SRGAP2: variants seen among roughly 807,000 people sequenced by gnomAD.
SRGAP2 encodes the protein SLIT-ROBO Rho GTPase-activating protein 2.
SRGAP2 carries 15 observed loss-of-function variants against 57.2 expected under a neutral mutation model. The observed-to-expected ratio is 0.26, with a 90% CI of 0.18 to 0.40. The LOEUF is 0.40. SRGAP2 is among the 10% of genes least tolerant of loss of function. The probability of loss-of-function intolerance (pLI) is 1.00; values close to 1 mark genes in which losing one functional copy is unlikely to be tolerated. For missense variants in SRGAP2, 520 were observed against 669.6 expected (o/e 0.78, Z 2.47); for synonymous variants, 249 against 248.0 (o/e 1.00, Z -0.04).
At chr1:206,346,405 A>G (rs1398162207) in intron 4 of SRGAP2, among the ~76,000 whole-genome samples, 2 of 152,218 alleles carry the variant, frequency 1.3e-5, no homozygotes, top group Non-Finnish European at 2.9e-5. Flanking sequence ...TACCTTTGTT[A>G]AATTGTGATA....
intron 2 of SRGAP2, among the ~76,000 whole-genome samples, chr1:206,251,624 C>G (rs1347136709): frequency 2.6e-5 from 4 of 151,242 alleles, no homozygotes; most frequent in African/African-American, 7.3e-5. Context: ...CTCATGGGAG[C>G]CCTTGATCTG....
chr1:206,206,215 C>T (rs1157525894), intron 2 of SRGAP2, 178 bp downstream of exon 2: 1 of 535,258 alleles, frequency 1.9e-6, no homozygotes, highest in Non-Finnish European at 3.4e-6. Flanking sequence ...GCCAGGGGGC[C>T]ATTGACACTG....
chr1:206,387,229 C>T (rs1553348903), intron 5 of SRGAP2, among the ~76,000 whole-genome samples: 1 of 150,470 alleles, frequency 6.6e-6, no homozygotes. Flanking sequence ...CATGGGATTA[C>T]GGTGACTAAC....
intron 2 of SRGAP2, among the ~76,000 whole-genome samples, chr1:206,296,451 A>ACAGGG (rs1318963171): frequency 6.6e-6 from 1 of 150,798 alleles, no homozygotes; most frequent in East Asian, 2.0e-4. Context: ...GTTTTTTGAG[A>ACAGGG]CAGGGTGTTG....
intron 4 of SRGAP2, among the ~76,000 whole-genome samples, chr1:206,347,907 T>C (rs1235038150): frequency 6.6e-6 from 1 of 151,792 alleles, no homozygotes; most frequent in Non-Finnish European, 1.5e-5. Context: ...ATGTTTATAC[T>C]CCCCAGGGGC....
chr1:206,333,202 C>A (rs1463823064), intron 3 of SRGAP2: 1 of 526,314 alleles, frequency 1.9e-6, no homozygotes, highest in Non-Finnish European at 3.5e-6. Context: ...AGAACCACTG[C>A]TCTCTTCAAA....
At chr1:206,391,981 G>C (rs1250647730) in intron 5 of SRGAP2, among the ~76,000 whole-genome samples, 1 of 147,722 alleles carries the variant, frequency 6.8e-6, no homozygotes, top group Non-Finnish European at 1.5e-5. Context: ...GAATTGTTTT[G>C]AAGGCTTACA....
intron 7 of SRGAP2, among the ~76,000 whole-genome samples, chr1:206,397,052 A>C (rs1458776789): frequency 5.3e-5 from 8 of 152,200 alleles, no homozygotes; most frequent in Admixed American, 5.2e-4. Context: ...TTTTGATAAG[A>C]GATATCTTTC....
Position 206,203,543 on chromosome 1 carries a change from G to A in SRGAP2, c.-650G>A, listed in dbSNP as rs1460480256. ...GCGGAGTTGGCGGAGGCTCCTCCAG[G>A]GACTGGGGCACCGATCTGCGTAGAA... On this transcript the variant is annotated 5_prime_UTR_variant, in exon 1 of 23. Transcript: ENST00000573034. 5.4e-6 allele frequency: 3 copies of A among 557,552 alleles called. No homozygotes were observed. The highest frequency in any genetic ancestry group is 1.9e-5 in the African/African-American group (1 of 53,200). The allele number at this position is 557,552 out of a possible 1,614,324, so 34.5% of individuals were successfully genotyped here.
At chr1:206,328,080 A>G (rs1322337221) in intron 3 of SRGAP2, among the ~76,000 whole-genome samples, 220 of 132,940 alleles carry the variant, frequency 1.7e-3, no homozygotes, top group African/African-American at 7.3e-3. Context: ...TTCTTGCGAT[A>G]GTTTAGTGAG....
intron 2 of SRGAP2, among the ~76,000 whole-genome samples, chr1:206,260,818 C>T (rs1362141755): frequency 6.6e-6 from 1 of 152,184 alleles, no homozygotes; most frequent in Non-Finnish European, 1.5e-5. Context: ...TTTAAAGGGT[C>T]GCACAGCAGT....
chr1:206,213,454 G>A (rs539032439), intron 2 of SRGAP2: 1 of 283,194 alleles, frequency 3.5e-6, no homozygotes, highest in East Asian at 1.7e-4. Context: ...ACCCAGATTA[G>A]TTTCTGGAAA....
chr1:206,318,695 C>T (rs1223255445), intron 3 of SRGAP2, among the ~76,000 whole-genome samples: 4 of 152,212 alleles, frequency 2.6e-5, no homozygotes, highest in African/African-American at 4.8e-5. Context: ...CAGAAGGCAC[C>T]GGGGAGCCAG....
intron 3 of SRGAP2, among the ~76,000 whole-genome samples, chr1:206,342,039 G>C (rs1286412075): frequency 6.6e-6 from 1 of 152,016 alleles, no homozygotes; most frequent in Non-Finnish European, 1.5e-5. Context: ...GCACTTTACT[G>C]CTCCACTCAA....
At chr1:206,455,536 C>T (rs567959191) in intron 21 of SRGAP2, 1 of 166,568 alleles carries the variant, frequency 6.0e-6, no homozygotes, top group East Asian at 1.8e-4. Flanking sequence ...GTTCCTCCCC[C>T]TGTCCTGCAT....
At chr1:206,429,842 G>T (rs541671502) in intron 13 of SRGAP2, among the ~76,000 whole-genome samples, 1 of 152,210 alleles carries the variant, frequency 6.6e-6, no homozygotes, top group Non-Finnish European at 1.5e-5. Context: ...AGAGAGAAGC[G>T]AATGGATTTG....
chr1:206,417,025 T>G (rs1177702842), intron 11 of SRGAP2, among the ~76,000 whole-genome samples: 33 of 152,194 alleles, frequency 2.2e-4, no homozygotes, highest in Non-Finnish European at 1.3e-4. Flanking sequence ...TACCCACCTT[T>G]TTTGCCCTGT....
At chr1:206,356,005 CT>C (rs1448682911) in intron 4 of SRGAP2, among the ~76,000 whole-genome samples, 2,202 of 147,972 alleles carry the variant, frequency 0.015, 33 homozygotes, top group East Asian at 0.047. Context: ...AAAAATGCCT[CT>C]CTGAGAAAAG....
At chr1:206,279,761 GAAATGA>G (rs1368428772) in intron 2 of SRGAP2, among the ~76,000 whole-genome samples, 1 of 151,154 alleles carries the variant, frequency 6.6e-6, no homozygotes, top group Non-Finnish European at 1.5e-5. Context: ...TCCAGTTCTG[GAAATGA>G]ACTTTCTGAC....
Sources: gnomAD v4.1 joint callset for allele counts (sites outside exome capture counted in the v4.1 genomes callset) on GRCh38, gnomAD v4.1.1 for gene constraint, MANE v1.5 for transcripts, NCBI Gene and HGNC (gene_info 2026-07-23, HGNC 2026-07-21) for gene names.